The following CNTNAP3B variants were observed in gnomAD, a reference collection of about 807,000 sequenced individuals.
The protein encoded by CNTNAP3B is contactin-associated protein-like 3B.
Under a neutral mutation model 108.9 loss-of-function variants are expected in CNTNAP3B, and 25 were observed. The observed-to-expected ratio is 0.23, with a 90% CI of 0.17 to 0.32. The LOEUF (loss-of-function observed/expected upper bound fraction) is 0.32. Ranked by LOEUF, CNTNAP3B falls within the 10% of genes least tolerant of loss-of-function variation. CNTNAP3B has a pLI of 1.00. For missense variants in CNTNAP3B, 252 were observed against 1,210.4 expected (o/e 0.21, Z 11.75); for synonymous variants, 103 against 473.4 (o/e 0.22, Z 10.16).
chr9:42,124,686 G>A (rs865855010), intron 1 of CNTNAP3B, among the ~76,000 whole-genome samples: 1 of 125,226 alleles, frequency 8.0e-6, no homozygotes, highest in Non-Finnish European at 1.7e-5. Flanking sequence ...TCAGTCTGAC[G>A]GGTTCATTCA....
At chr9:42,054,747 C>A (rs1374463938) in intron 3 of CNTNAP3B, among the ~76,000 whole-genome samples, 1 of 151,430 alleles carries the variant, frequency 6.6e-6, no homozygotes, top group African/African-American at 2.4e-5. Flanking sequence ...CTATTTATTT[C>A]TGTCGGGTTA....
chr9:42,095,916 C>T lies in CNTNAP3B; in HGVS notation c.196+8713G>A, dbSNP rs1165136520. Among the ~76,000 whole-genome samples the T allele has an allele frequency of 1.0e-4, 14 of 138,552 alleles. 2 individuals are homozygous for T. The highest frequency in any genetic ancestry group is 4.4e-4 in the East Asian group (2 of 4,568). 90.9% of individuals were successfully genotyped at this position (138,552 alleles called of 152,430 possible). On this transcript the variant is annotated intron_variant, in intron 2 of 23. Coordinates refer to ENST00000377561, the MANE Select transcript of CNTNAP3B (RefSeq NM_001201380.3). The stretch of plus-strand genomic sequence containing the variant: ...AGCACTGCACTGTCCTCAGGGATGG[C>T]GACCTGCTGCCGACGGAGCCAAGTC...
chr9:42,095,839 A>G (rs1322746461), intron 2 of CNTNAP3B, among the ~76,000 whole-genome samples: 1 of 136,496 alleles, frequency 7.3e-6, no homozygotes, highest in Non-Finnish European at 1.6e-5. Context: ...GGCTTTGCTA[A>G]TTGCCTTGGT....
intron 13 of CNTNAP3B, among the ~76,000 whole-genome samples, chr9:41,944,697 T>C (rs1335307233): frequency 6.6e-6 from 1 of 151,968 alleles, no homozygotes; most frequent in East Asian, 1.9e-4. Context: ...GTATCAATAA[T>C]CACTTTAAAT....
chr9:41,982,971 T>C (rs1220328804), intron 9 of CNTNAP3B, among the ~76,000 whole-genome samples: 3 of 130,130 alleles, frequency 2.3e-5, no homozygotes, highest in African/African-American at 3.2e-5. Context: ...TTCTGACTTA[T>C]GAGTGGGAGC....
chr9:41,919,132 C>T (rs1451756869), intron 18 of CNTNAP3B, among the ~76,000 whole-genome samples: 3 of 151,996 alleles, frequency 2.0e-5, no homozygotes, highest in African/African-American at 7.3e-5. Flanking sequence ...TCCCTTTTTC[C>T]TTTTCTTTTT....
intron 7 of CNTNAP3B, chr9:41,993,780 A>G (rs1825847469): frequency 9.3e-6 from 1 of 107,814 alleles, no homozygotes; most frequent in Middle Eastern, 4.1e-3. Flanking sequence ...ATATATTGGA[A>G]CAACTATTTT....
intron 2 of CNTNAP3B, among the ~76,000 whole-genome samples, chr9:42,079,454 C>A (rs1424063496): frequency 1.1e-4 from 13 of 119,052 alleles, no homozygotes; most frequent in African/African-American, 4.5e-4. Context: ...AGGTACAACA[C>A]TACTGAAACT....
At chr9:42,044,172 A>T (rs1423781700) in intron 3 of CNTNAP3B, among the ~76,000 whole-genome samples, 2 of 135,574 alleles carry the variant, frequency 1.5e-5, no homozygotes, top group Non-Finnish European at 3.1e-5. Flanking sequence ...AAAGTGCACA[A>T]GTAGTGATGC....
intron 16 of CNTNAP3B, among the ~76,000 whole-genome samples, chr9:41,923,434 C>T (rs201782387): frequency 0.087 from 12,869 of 147,542 alleles, no homozygotes; most frequent in Admixed American, 0.19. Flanking sequence ...TGGATTATTA[C>T]GTGCTTCATG....
chr9:42,098,689 CTTA>C (rs1400672560), intron 2 of CNTNAP3B, among the ~76,000 whole-genome samples: 11 of 109,424 alleles, frequency 1.0e-4, no homozygotes, highest in African/African-American at 3.3e-4. Context: ...GTTTTCTGTA[CTTA>C]CTGAAAAACC....
intron 9 of CNTNAP3B, among the ~76,000 whole-genome samples, chr9:41,982,063 C>CAAAAAAAAAA (rs541712479): frequency 2.4e-5 from 1 of 42,436 alleles, no homozygotes; most frequent in Non-Finnish European, 3.8e-5. Context: ...TCTAAAGTCT[C>CAAAAAAAAAA]AAAAAAAAAA....
intron 1 of CNTNAP3B, among the ~76,000 whole-genome samples, chr9:42,126,034 A>C (rs1352792022): frequency 7.6e-6 from 1 of 131,468 alleles, no homozygotes; most frequent in Non-Finnish European, 1.6e-5. Context: ...CATCTGTAAA[A>C]ATAATTATTC....
chr9:41,924,999 G>A (rs566574879), intron 15 of CNTNAP3B, among the ~76,000 whole-genome samples: 101 of 151,632 alleles, frequency 6.7e-4, no homozygotes, highest in African/African-American at 2.2e-3. Context: ...TCAGTGTGTC[G>A]CAGCAGCAGG....
chr9:41,934,222 T>A (rs1350859432), intron 14 of CNTNAP3B, among the ~76,000 whole-genome samples: 1 of 142,930 alleles, frequency 7.0e-6, no homozygotes, highest in African/African-American at 2.5e-5. Context: ...CACATACTTT[T>A]TTTTTTTTTT....
intron 2 of CNTNAP3B, among the ~76,000 whole-genome samples, chr9:42,079,485 C>G (rs1356920163): frequency 1.7e-5 from 2 of 120,976 alleles, no homozygotes; most frequent in Admixed American, 8.5e-5. Flanking sequence ...TTCTGTTTTT[C>G]TTATTACTAT....
chr9:42,019,610 A>G (rs1364324877), intron 3 of CNTNAP3B, among the ~76,000 whole-genome samples: 10 of 145,164 alleles, frequency 6.9e-5, no homozygotes, highest in Admixed American at 5.5e-4. Flanking sequence ...AAAAAAAAAA[A>G]ATTACCCTAG....
intron 9 of CNTNAP3B, among the ~76,000 whole-genome samples, chr9:41,978,079 A>T (rs1825555635): frequency 8.6e-6 from 1 of 116,640 alleles, no homozygotes; most frequent in East Asian, 2.6e-4. Flanking sequence ...ACAGAGTTAA[A>T]TGACATTTCT....
At position 41,997,636 on chromosome 9, in the gene CNTNAP3B, T is replaced by C. The variant is rs1564171041; in HGVS notation, c.859A>G (p.Thr287Ala). 6.2e-7 allele frequency: 1 copy of C among 1,611,358 alleles called. No homozygotes were observed. The highest frequency in any genetic ancestry group is 8.5e-7 in the Non-Finnish European group (1 of 1,179,312). The change falls in exon 6 of 24, where the codon ACC (threonine) becomes GCC (alanine). Residue 287 changes from threonine (T) to alanine (A), a missense_variant. Thr to Ala is a moderately conservative substitution (Grantham distance 58, BLOSUM62 0). Transcript: ENST00000377561. The stretch of plus-strand genomic sequence containing the variant: ...AAATGATGAGTGTGTTTGTCCACGG[T>C]GAAGTTGACCTGCGTGTCGAGGAGC... ...IELLDTQVNF[T>A]VDKHTHHFQA...
Sources: allele counts gnomAD v4.1 joint callset (sites outside exome capture counted in the v4.1 genomes callset), GRCh38; gene constraint gnomAD v4.1.1; transcripts MANE v1.5; gene names NCBI Gene and HGNC (gene_info 2026-07-23, HGNC 2026-07-21).